Variants in USP30 observed in about 807,000 individuals in gnomAD.
USP30 encodes the protein ubiquitin carboxyl-terminal hydrolase 30.
A neutral mutation model predicts 68.2 loss-of-function variants in USP30; 41 were observed. The ratio of observed to expected loss-of-function variants is 0.60; its 90% CI spans 0.47 to 0.78. The LOEUF (loss-of-function observed/expected upper bound fraction) is 0.78, where lower values mean the gene tolerates loss of function less well. Ranked by LOEUF, USP30 falls within the 30% of genes least tolerant of loss-of-function variation. USP30 has a pLI of 0.00. For missense variants in USP30, 522 were observed against 649.4 expected, an observed-to-expected ratio of 0.80 and a Z score of 2.13; for synonymous variants, 229 against 253.7, an observed-to-expected ratio of 0.90 and a Z score of 0.93.
intron 3 of USP30, among the ~76,000 whole-genome samples, chr12:109,062,420 C>G (rs996817118): frequency 6.6e-6 from 1 of 150,730 alleles, no homozygotes; most frequent in African/African-American, 2.4e-5. Context: ...CTGCAAGCTC[C>G]ACCTCCTGGG....
chr12:109,066,051 A>G (rs2041236681), intron 3 of USP30, among the ~76,000 whole-genome samples: 1 of 151,784 alleles, frequency 6.6e-6, no homozygotes, highest in Non-Finnish European at 1.5e-5. Context: ...CAGAAATTCA[A>G]GACCAGCCTG....
Position 109,085,713 on chromosome 12 carries a change from G to A in USP30, c.1336G>A (p.Gly446Arg). The A allele has an allele frequency of 6.2e-7, 1 of 1,614,176 alleles. No individual in the cohort carries two copies. Reference sequence around the variant, plus strand: ...GCTGATGGCAGTTGTCGTCCACCATGGAGACATGCACTCTGGACACTTTGT... The same window carrying A: ...GCTGATGGCAGTTGTCGTCCACCATAGAGACATGCACTCTGGACACTTTGT... ...FRLMAVVVHH[G>R]DMHSGHFVTY... Residue 446 changes from glycine (G) to arginine (R), a missense_variant, in exon 13 of 13, where the codon GGA (glycine) becomes AGA (arginine). By Grantham distance (125) the Gly-to-Arg change is moderately radical (BLOSUM62 -2). Coordinates refer to ENST00000257548, the MANE Select transcript of USP30 (RefSeq NM_032663.5).
intron 3 of USP30, among the ~76,000 whole-genome samples, chr12:109,032,006 G>A (rs1053033258): frequency 7.9e-5 from 12 of 151,714 alleles, no homozygotes; most frequent in African/African-American, 2.7e-4. Context: ...GGAGACTAAG[G>A]TAGGAGGATC....
intron 7 of USP30, among the ~76,000 whole-genome samples, chr12:109,079,269 A>G (rs144484410): frequency 1.2e-3 from 176 of 148,602 alleles, no homozygotes; most frequent in African/African-American, 4.1e-3. Flanking sequence ...GTGTTCTTTA[A>G]ATTAGATCAT....
In USP30 at chr12:109,085,288, T is replaced by G. The variant is rs138755643; in HGVS notation, c.1289+215T>G. On this transcript the variant is annotated intron_variant, in intron 12 of 12. Transcript: ENST00000257548. ...AGTACATAAAATTTACATATGCATATGTATGTGTGTATATATGTGTGTATG... is the reference window on the plus strand; with the variant it reads ...AGTACATAAAATTTACATATGCATAGGTATGTGTGTATATATGTGTGTATG... Among the ~76,000 whole-genome samples the G allele has an allele frequency of 3.3e-5, 5 of 152,362 alleles. No homozygotes were observed. The East Asian group carries it at 5.8e-4, about 18-fold the overall frequency.
At chr12:109,056,847 C>G in intron 2 of USP30, 56 bp downstream of exon 2, 1 of 1,273,828 alleles carries the variant, frequency 7.9e-7, no homozygotes, top group South Asian at 1.4e-5. Flanking sequence ...TCCCTGTTAT[C>G]TGAAAACAGT....
At chr12:109,041,730 A>G (rs1317448427) in intron 3 of USP30, among the ~76,000 whole-genome samples, 3 of 152,132 alleles carry the variant, frequency 2.0e-5, no homozygotes, top group African/African-American at 7.2e-5. Flanking sequence ...ATGGCAAATT[A>G]TTTTTTTAAA....
At chr12:109,056,572 C>A in intron 1 of USP30, 110 bp from the exon 2 acceptor site, 1 of 653,116 alleles carries the variant, frequency 1.5e-6, no homozygotes, top group Non-Finnish European at 2.6e-6. Flanking sequence ...CTTTAACTTG[C>A]AATTAGGTAT....
At chr12:109,068,977 T>C (rs565931318) in intron 4 of USP30, among the ~76,000 whole-genome samples, 278 of 152,366 alleles carry the variant, frequency 1.8e-3, no homozygotes, top group Non-Finnish European at 3.2e-3. Flanking sequence ...AGAGGATGCA[T>C]TGGGCCAAAG....
chr12:109,028,971 A>G (rs2040463367), intron 3 of USP30, among the ~76,000 whole-genome samples: 1 of 152,226 alleles, frequency 6.6e-6, no homozygotes, highest in Non-Finnish European at 1.5e-5. Context: ...TGTCCTTGAG[A>G]TTTGAAAATA....
chr12:109,048,991 T>A (rs1314030593), upstream of USP30, among the ~76,000 whole-genome samples: 2 of 148,986 alleles, frequency 1.3e-5, no homozygotes, highest in African/African-American at 2.6e-5. Flanking sequence ...TGACCTCTCA[T>A]CTCATTATGG....
At chr12:109,073,160 GT>G (rs1319328732) in intron 6 of USP30, among the ~76,000 whole-genome samples, 3 of 152,182 alleles carry the variant, frequency 2.0e-5, no homozygotes, top group Non-Finnish European at 2.9e-5. Context: ...TTAAGCATAT[GT>G]TTGTAAAAAG....
intron 2 of USP30, among the ~76,000 whole-genome samples, chr12:109,026,323 G>A (rs1309998898): frequency 9.9e-5 from 15 of 150,964 alleles, no homozygotes; most frequent in African/African-American, 2.4e-4. Flanking sequence ...TGATCCACCC[G>A]CCTTGGCCTC....
chr12:109,073,007 T>C (rs1207599399), intron 6 of USP30, among the ~76,000 whole-genome samples: 1 of 152,204 alleles, frequency 6.6e-6, no homozygotes, highest in Non-Finnish European at 1.5e-5. Context: ...GGTTTCTCAC[T>C]TATGTTCTTT....
intron 3 of USP30, among the ~76,000 whole-genome samples, chr12:109,040,486 A>G (rs1462153635): frequency 6.6e-6 from 1 of 152,222 alleles, no homozygotes; most frequent in Non-Finnish European, 1.5e-5. Context: ...TAAAAAAATT[A>G]ACAATTGTTA....
At chr12:109,071,524 C>G (rs2041440986) in intron 4 of USP30, 88 bp from the exon 5 acceptor site, 1 of 1,044,978 alleles carries the variant, frequency 9.6e-7, no homozygotes, top group South Asian at 1.4e-5. Context: ...TACCCACATT[C>G]ACTGTAGGGT....
intron 3 of USP30, among the ~76,000 whole-genome samples, chr12:109,029,299 G>C (rs1231234549): frequency 1.3e-5 from 2 of 152,216 alleles, no homozygotes; most frequent in East Asian, 3.9e-4. Context: ...AAACCTGAGA[G>C]GGGCTTCTGG....
intron 2 of USP30, among the ~76,000 whole-genome samples, chr12:109,057,382 AG>A (rs1188057461): frequency 3.9e-5 from 6 of 152,252 alleles, no homozygotes; most frequent in Non-Finnish European, 4.4e-5. Flanking sequence ...GATAATAAAA[AG>A]TTTTTTTAAA....
intron 3 of USP30, among the ~76,000 whole-genome samples, chr12:109,060,875 A>T (rs7302579): frequency 0.18 from 27,411 of 152,014 alleles, 2,543 homozygotes; most frequent in Middle Eastern, 0.24. Context: ...CGAACTCCTG[A>T]CCTCAAGTGG....
Sources: gnomAD v4.1 joint callset for allele counts (sites outside exome capture counted in the v4.1 genomes callset) on GRCh38, gnomAD v4.1.1 for gene constraint, MANE v1.5 for transcripts, NCBI Gene and HGNC (gene_info 2026-07-23, HGNC 2026-07-21) for gene names.